The following SLC25A12 variants were observed in gnomAD, a reference collection of about 807,000 sequenced individuals.
SLC25A12 encodes the protein solute carrier family 25 member 12.
In SLC25A12, 32 loss-of-function variants were observed where a neutral mutation model predicts 83.3. The observed-to-expected ratio is 0.38, with a 90% confidence interval of 0.29 to 0.52. The LOEUF (loss-of-function observed/expected upper bound fraction) is 0.52, where lower values mean the gene tolerates loss of function less well. Ranked by LOEUF, SLC25A12 falls within the 20% of genes least tolerant of loss-of-function variation. The pLI, the probability that SLC25A12 is intolerant of heterozygous loss-of-function variation, is 0.84. For synonymous variants in SLC25A12, 267 were observed against 291.1 expected (o/e 0.92, Z 0.84); for missense variants, 611 against 835.6 (o/e 0.73, Z 3.31).
intron 3 of SLC25A12, among the ~76,000 whole-genome samples, chr2:171,866,565 C>A (rs1375161947): frequency 1.7e-5 from 1 of 59,706 alleles, no homozygotes; most frequent in Non-Finnish European, 3.5e-5. Flanking sequence ...CCTCCCGAAC[C>A]GGGCGGCTGG....
intron 3 of SLC25A12, among the ~76,000 whole-genome samples, chr2:171,858,234 T>C (rs1327748382): frequency 6.6e-6 from 1 of 152,192 alleles, no homozygotes; most frequent in Non-Finnish European, 1.5e-5. Flanking sequence ...CTTTCCTTGA[T>C]TGTCCAATGT....
At chr2:171,867,039 G>A (rs530770736) in intron 3 of SLC25A12, among the ~76,000 whole-genome samples, 25 of 149,760 alleles carry the variant, frequency 1.7e-4, no homozygotes, top group African/African-American at 5.9e-4. Context: ...CAGACGGGGC[G>A]GTGGGGCAGA....
chr2:171,858,161 T>C (rs1685083014), intron 3 of SLC25A12, among the ~76,000 whole-genome samples: 1 of 152,158 alleles, frequency 6.6e-6, no homozygotes, highest in African/African-American at 2.4e-5. Flanking sequence ...TATAAAAATG[T>C]GTCTCATATG....
chr2:171,849,859 T>A (rs1181553708), intron 4 of SLC25A12, among the ~76,000 whole-genome samples: 4 of 151,752 alleles, frequency 2.6e-5, no homozygotes, highest in Admixed American at 1.3e-4. Flanking sequence ...CCCGGCCCAG[T>A]GGCGTGATCT....
intron 9 of SLC25A12, among the ~76,000 whole-genome samples, chr2:171,820,147 G>T (rs114048155): frequency 6.6e-6 from 1 of 151,940 alleles, no homozygotes; most frequent in Non-Finnish European, 1.5e-5. Flanking sequence ...CTGGGTGATG[G>T]AATACTATGT....
chr2:171,787,764 C>A (rs1309015023), intron 16 of SLC25A12, 25 bp downstream of exon 16: 3 of 1,613,808 alleles, frequency 1.9e-6, no homozygotes, highest in African/African-American at 2.7e-5. Flanking sequence ...GCCAGCCATT[C>A]TGTATGGCTC....
intron 13 of SLC25A12, among the ~76,000 whole-genome samples, chr2:171,803,432 C>A (rs1323787539): frequency 6.6e-6 from 1 of 152,042 alleles, no homozygotes; most frequent in African/African-American, 2.4e-5. Context: ...ATACAAAGAA[C>A]TCTGTAACCA....
intron 9 of SLC25A12, among the ~76,000 whole-genome samples, chr2:171,820,139 GGGT>G (rs1684153498): frequency 6.6e-6 from 1 of 152,038 alleles, no homozygotes. Flanking sequence ...CTTAATACCT[GGGT>G]GATGGAATAC....
At chr2:171,876,370 G>A (rs562704584) in intron 2 of SLC25A12, among the ~76,000 whole-genome samples, 1 of 152,292 alleles carries the variant, frequency 6.6e-6, no homozygotes, top group South Asian at 2.1e-4. Flanking sequence ...ATGTCTGTAA[G>A]CCTGTTGCCT....
intron 8 of SLC25A12, among the ~76,000 whole-genome samples, chr2:171,832,645 G>C (rs1684467241): frequency 6.6e-6 from 1 of 152,150 alleles, no homozygotes; most frequent in South Asian, 2.1e-4. Context: ...GGTAGGGCTA[G>C]GAATAACTGC....
chr2:171,868,992 T>C (rs1267691994), intron 2 of SLC25A12, among the ~76,000 whole-genome samples, 169 bp from the exon 3 acceptor site: 2 of 152,206 alleles, frequency 1.3e-5, no homozygotes, highest in Non-Finnish European at 2.9e-5. Flanking sequence ...CAGAGCCTGA[T>C]TTAAAAACAT....
At chr2:171,874,083 G>A (rs987772358) in intron 2 of SLC25A12, among the ~76,000 whole-genome samples, 1 of 152,106 alleles carries the variant, frequency 6.6e-6, no homozygotes, top group South Asian at 2.1e-4. Flanking sequence ...AAAATTAGAC[G>A]GGTGTGGTGG....
At chr2:171,862,434 T>G (rs568460393) in intron 3 of SLC25A12, among the ~76,000 whole-genome samples, 9 of 152,352 alleles carry the variant, frequency 5.9e-5, no homozygotes, top group East Asian at 1.9e-4. Flanking sequence ...CAACTGATTG[T>G]GCTATTTATA....
At chr2:171,844,631 A>G in intron 4 of SLC25A12, 123 bp from the exon 5 acceptor site, 1 of 679,708 alleles carries the variant, frequency 1.5e-6, no homozygotes, top group Admixed American at 2.8e-5. Flanking sequence ...CTTCTATTAA[A>G]ATAACTGCAA....
At chr2:171,821,800 C>T (rs1353481366) in intron 9 of SLC25A12, among the ~76,000 whole-genome samples, 2 of 152,092 alleles carry the variant, frequency 1.3e-5, no homozygotes, top group Non-Finnish European at 2.9e-5. Context: ...TTTTCACACT[C>T]TTAGTGGTAT....
At chr2:171,869,631 A>C (rs1403835077) in intron 2 of SLC25A12, among the ~76,000 whole-genome samples, 1 of 152,218 alleles carries the variant, frequency 6.6e-6, no homozygotes, top group South Asian at 2.1e-4. Context: ...TAAAATAATA[A>C]TAATACCTGT....
chr2:171,852,312 G>A (rs1364608582), intron 4 of SLC25A12, among the ~76,000 whole-genome samples: 4 of 152,132 alleles, frequency 2.6e-5, no homozygotes, highest in Admixed American at 2.0e-4. Flanking sequence ...TTGCAAAGAT[G>A]CACACAGTTT....
chr2:171,886,792 G>A (rs1365430455), intron 2 of SLC25A12, among the ~76,000 whole-genome samples: 1 of 152,126 alleles, frequency 6.6e-6, no homozygotes, highest in African/African-American at 2.4e-5. Context: ...TTACAGGCAT[G>A]AGCCACCACA....
intron 2 of SLC25A12, among the ~76,000 whole-genome samples, chr2:171,892,399 G>A (rs974291190): frequency 6.6e-6 from 1 of 151,916 alleles, no homozygotes; most frequent in African/African-American, 2.4e-5. Flanking sequence ...CTAATTTTTT[G>A]TATTTTTAGT....
Sources: gnomAD v4.1 joint callset for allele counts (sites outside exome capture counted in the v4.1 genomes callset) on GRCh38, gnomAD v4.1.1 for gene constraint, MANE v1.5 for transcripts, NCBI Gene and HGNC (gene_info 2026-07-23, HGNC 2026-07-21) for gene names.